Variants in KCNH5 observed in about 807,000 individuals in gnomAD.
KCNH5 encodes potassium voltage-gated channel subfamily H member 5, also known as voltage-gated delayed rectifier potassium channel KCNH5.
A neutral mutation model predicts 96.1 loss-of-function variants in KCNH5; 46 were observed. That is an observed-to-expected ratio of 0.48 (90% CI 0.38 to 0.61). The LOEUF (loss-of-function observed/expected upper bound fraction) is 0.61, where lower values mean the gene tolerates loss of function less well. Among genes scored for constraint, KCNH5 ranks in the 20% least tolerant of loss-of-function variants. The probability of loss-of-function intolerance (pLI) is 0.00; values close to 1 mark genes in which losing one functional copy is unlikely to be tolerated. For missense variants in KCNH5, 907 were observed against 1,225.8 expected (o/e 0.74, Z 3.88); for synonymous variants, 439 against 449.8 (o/e 0.98, Z 0.30).
At chr14:62,803,321 A>G (rs1463941920) in intron 8 of KCNH5, among the ~76,000 whole-genome samples, 1 of 152,220 alleles carries the variant, frequency 6.6e-6, no homozygotes, top group African/African-American at 2.4e-5. Flanking sequence ...AGGTGGATTC[A>G]GAAAACAAAA....
rs749588453 is a variant in KCNH5 at position 63,001,430 on chromosome 14, C to A, written c.334G>T (p.Ala112Ser). Residue 112 changes from alanine to serine, a missense_variant, in exon 4 of 11, where the codon GCA becomes TCA. Coordinates refer to ENST00000322893, the MANE Select transcript of KCNH5 (RefSeq NM_139318.5). ...TTTTCATGTTCATTTCTTATTGGTG[C>A]AATTTGCATATAAAACCAAACAGGG... ...RTPVWFYMQI[A>S]PIRNEHEKVV... The A allele has an allele frequency of 1.2e-6, 2 of 1,611,228 alleles. No individual in the cohort carries two copies. The highest frequency in any genetic ancestry group is 2.2e-5 in the East Asian group (1 of 44,634).
chr14:63,023,856 A>G (rs1327168899), intron 1 of KCNH5, among the ~76,000 whole-genome samples: 1 of 152,206 alleles, frequency 6.6e-6, no homozygotes, highest in African/African-American at 2.4e-5. Context: ...TGGAAATTGA[A>G]CAATATACTC....
chr14:62,712,382 A>G, intron 10 of KCNH5: 1 of 436,450 alleles, frequency 2.3e-6, no homozygotes, highest in Non-Finnish European at 4.1e-6. Flanking sequence ...TTTAAGTGTC[A>G]TGGAATGAGA....
chr14:62,854,093 CCTCA>C (rs977426486), intron 7 of KCNH5, among the ~76,000 whole-genome samples: 1 of 151,924 alleles, frequency 6.6e-6, no homozygotes, highest in Admixed American at 6.6e-5. Flanking sequence ...CATCCTCTTC[CCTCA>C]CTATCACTAT....
At chr14:62,903,812 T>C (rs371979449) in intron 7 of KCNH5, among the ~76,000 whole-genome samples, 3 of 152,174 alleles carry the variant, frequency 2.0e-5, no homozygotes, top group East Asian at 1.9e-4. Context: ...TGTGGGGCTA[T>C]CAAAGTTACA....
Position 62,701,678 on chromosome 14 carries a change from T to C in KCNH5, c.*5830A>G, listed in dbSNP as rs1884350344. On this transcript the variant is annotated 3_prime_UTR_variant, in exon 11 of 11. Coordinates refer to ENST00000322893, the MANE Select transcript of KCNH5 (RefSeq NM_139318.5). ...ATGGTTTGGGCTGAAGATTCCAGCATGTAGTGTTGTAATATCTTGTTTTTT... is the reference window on the plus strand; with the variant it reads ...ATGGTTTGGGCTGAAGATTCCAGCACGTAGTGTTGTAATATCTTGTTTTTT... 6.6e-6 allele frequency: 1 copy of C among 152,152 alleles called. No individual in the cohort carries two copies. Among genetic ancestry groups the C allele is most frequent in the Non-Finnish European group, 1.5e-5 (1 of 67,992 alleles). 9.4% of individuals were successfully genotyped at this position (152,152 alleles called of 1,614,324 possible). A position where few individuals can be genotyped will look rare whatever the true frequency, so the allele number is the denominator to read the frequency against.
chr14:62,749,275 C>A (rs977709085), intron 10 of KCNH5, among the ~76,000 whole-genome samples: 1 of 152,216 alleles, frequency 6.6e-6, no homozygotes, highest in Non-Finnish European at 1.5e-5. Context: ...TCGAAGGTCA[C>A]TGATTGGCTC....
intron 8 of KCNH5, among the ~76,000 whole-genome samples, chr14:62,826,801 C>T (rs1043708959): frequency 5.9e-5 from 9 of 151,788 alleles, no homozygotes; most frequent in Non-Finnish European, 8.8e-5. Flanking sequence ...TCTATTTTAT[C>T]AGAGCATTTA....
chr14:62,776,144 G>GT (rs1374834669), intron 10 of KCNH5, among the ~76,000 whole-genome samples: 1 of 152,092 alleles, frequency 6.6e-6, no homozygotes, highest in Non-Finnish European at 1.5e-5. Flanking sequence ...GCATGCACCT[G>GT]TAATTCCTGC....
intron 7 of KCNH5, among the ~76,000 whole-genome samples, chr14:62,937,611 C>A (rs761578262): frequency 2.0e-5 from 3 of 152,108 alleles, no homozygotes; most frequent in Admixed American, 6.6e-5. Context: ...TCATAGGTTT[C>A]GGAAAGGAGG....
intron 7 of KCNH5, among the ~76,000 whole-genome samples, chr14:62,905,893 G>A (rs1430645205): frequency 1.3e-5 from 2 of 152,110 alleles, no homozygotes; most frequent in Non-Finnish European, 2.9e-5. Context: ...CTGGCACCAG[G>A]CCCACTTCAC....
intron 6 of KCNH5, among the ~76,000 whole-genome samples, chr14:62,978,830 A>C (rs1890551820): frequency 6.6e-6 from 1 of 152,194 alleles, no homozygotes; most frequent in Non-Finnish European, 1.5e-5. Context: ...GTACAACATG[A>C]CGTTTTAAAG....
At chr14:63,012,849 C>T (rs186383150) in intron 2 of KCNH5, among the ~76,000 whole-genome samples, 98 of 151,592 alleles carry the variant, frequency 6.5e-4, no homozygotes, top group Middle Eastern at 3.4e-3. Context: ...TAACAACCAA[C>T]ATATGCAAAG....
At chr14:63,041,837 G>A (rs1402923892) in intron 1 of KCNH5, among the ~76,000 whole-genome samples, 3 of 152,104 alleles carry the variant, frequency 2.0e-5, no homozygotes, top group African/African-American at 7.2e-5. Context: ...CTCAAGAGGT[G>A]TGAAATAATA....
At chr14:62,732,889 C>T (rs915008316) in intron 10 of KCNH5, among the ~76,000 whole-genome samples, 1 of 152,028 alleles carries the variant, frequency 6.6e-6, no homozygotes, top group Non-Finnish European at 1.5e-5. Flanking sequence ...CTCTTTCTGT[C>T]TCTCTCTCTT....
At chr14:62,760,345 C>G (rs1429662617) in intron 10 of KCNH5, among the ~76,000 whole-genome samples, 1 of 152,142 alleles carries the variant, frequency 6.6e-6, no homozygotes, top group East Asian at 1.9e-4. Flanking sequence ...ATAATCATAC[C>G]TAACACGGTC....
Position 62,903,757 on chromosome 14 carries a change from G to A in KCNH5, c.1369+46376C>T, listed in dbSNP as rs540010993. Reference sequence around the variant, plus strand: ...TATGGCCCAAGGAGATATCTAAAGAGAAAAATAATGAATAGATATAGATGA... The same window carrying A: ...TATGGCCCAAGGAGATATCTAAAGAAAAAAATAATGAATAGATATAGATGA... On this transcript the variant is annotated intron_variant, in intron 7 of 10. Transcript: ENST00000322893. Among the ~76,000 whole-genome samples the A allele has an allele frequency of 2.0e-5, 3 of 152,172 alleles. No homozygotes were observed. The South Asian group carries it at 6.2e-4, about 32-fold the overall frequency.
At chr14:62,851,229 T>C (rs1021455022) in intron 7 of KCNH5, among the ~76,000 whole-genome samples, 1 of 152,148 alleles carries the variant, frequency 6.6e-6, no homozygotes, top group African/African-American at 2.4e-5. Flanking sequence ...TAGACCTGTG[T>C]AGGAGGAATA....
rs1186249288 is a variant in KCNH5, at chr14:62,704,061, C to T, written c.*3447G>A. 2 of 151,838 alleles carry T rather than the reference C, an allele frequency of 1.3e-5. No homozygotes were observed. The highest frequency in any genetic ancestry group is 3.9e-4 in the East Asian group (2 of 5,190). 9.4% of individuals were successfully genotyped at this position (151,838 alleles called of 1,614,324 possible). ...TAAACAGAAGGGAAAATGTGATTTTCATTTGGGCTCCAATAAGGTTAATTT... is the reference window on the plus strand; with the variant it reads ...TAAACAGAAGGGAAAATGTGATTTTTATTTGGGCTCCAATAAGGTTAATTT... On this transcript the variant is annotated 3_prime_UTR_variant, in exon 11 of 11. Transcript: ENST00000322893.
Sources: allele counts gnomAD v4.1 joint callset (sites outside exome capture counted in the v4.1 genomes callset), GRCh38; gene constraint gnomAD v4.1.1; transcripts MANE v1.5; gene names NCBI Gene and HGNC (gene_info 2026-07-23, HGNC 2026-07-21).